The following SPRED1 variants were observed in gnomAD, a reference collection of about 807,000 sequenced individuals.
SPRED1 encodes the protein sprouty related EVH1 domain containing 1, also known as sprouty-related, EVH1 domain-containing protein 1.
A neutral mutation model predicts 52.3 loss-of-function variants in SPRED1; 18 were observed. The observed-to-expected ratio is 0.34, with a 90% CI of 0.24 to 0.51. The LOEUF (loss-of-function observed/expected upper bound fraction) is 0.51, where lower values mean the gene tolerates loss of function less well. Ranked by LOEUF, SPRED1 falls within the 20% of genes least tolerant of loss-of-function variation. The probability of loss-of-function intolerance (pLI) is 0.97; values close to 1 mark genes in which losing one functional copy is unlikely to be tolerated. For synonymous variants in SPRED1, 155 were observed against 179.7 expected (o/e 0.86, Z 1.10); for missense variants, 485 against 551.0 (o/e 0.88, Z 1.20).
chr15:38,305,494 G>A (rs6495959), intron 2 of SPRED1, among the ~76,000 whole-genome samples: 138,883 of 151,810 alleles, frequency 0.91, 64,807 homozygotes, highest in East Asian at 1. Flanking sequence ...TCTTGAGGTA[G>A]TATACATTCT....
rs569402976 is a variant in SPRED1, at chr15:38,305,753, A to T, written c.207+6206A>T. ...TGTATGTTCAGATTTTCAAATCTTC[A>T]GTATTCTTAAAGTAGAATAAATTTA... is the stretch of plus-strand genomic sequence containing the variant. On this transcript the variant is annotated intron_variant, in intron 2 of 6. Coordinates refer to ENST00000299084, the MANE Select transcript of SPRED1 (RefSeq NM_152594.3). Among the ~76,000 whole-genome samples the T allele has an allele frequency of 4.1e-4, 62 of 152,314 alleles. No individual in the cohort carries two copies. The South Asian group carries it at 4.1e-3, about 10-fold the overall frequency.
At chr15:38,315,813 A>C (rs1318857073) in intron 2 of SPRED1, among the ~76,000 whole-genome samples, 1 of 151,954 alleles carries the variant, frequency 6.6e-6, no homozygotes, top group Non-Finnish European at 1.5e-5. Flanking sequence ...CAAGTAACCT[A>C]TTGTGGGGTA....
At chr15:38,327,628 A>G (rs1037598347) in intron 4 of SPRED1, among the ~76,000 whole-genome samples, 3 of 152,204 alleles carry the variant, frequency 2.0e-5, no homozygotes, top group Non-Finnish European at 4.4e-5. Flanking sequence ...CAACAACCAC[A>G]TGAAGTGAAC....
intron 6 of SPRED1, 116 bp from the exon 7 acceptor site, chr15:38,350,895 TATC>T (rs1218435777): frequency 2.8e-6 from 3 of 1,067,502 alleles, no homozygotes; most frequent in East Asian, 2.6e-5. Context: ...CCCAAAAACA[TATC>T]ATAGAAATGT....
rs533143682 is a variant in SPRED1, at chr15:38,330,469, T to C, written c.423+5660T>C. Among the ~76,000 whole-genome samples, 31 of 152,270 alleles carry C rather than the reference T, an allele frequency of 2.0e-4. No individual in the cohort carries two copies. In the South Asian group the frequency reaches 3.9e-3, roughly 19 times the overall value. ...AGAATAGGAGACAGTTGTGGCCAAA[T>C]TTAAAATGAATTGCAACTGGAAACA... is the stretch of plus-strand genomic sequence containing the variant. On this transcript the variant is annotated intron_variant, in intron 4 of 6. Coordinates refer to ENST00000299084, the MANE Select transcript of SPRED1 (RefSeq NM_152594.3).
At chr15:38,321,333 C>T (rs911992112) in intron 2 of SPRED1, among the ~76,000 whole-genome samples, 1 of 151,780 alleles carries the variant, frequency 6.6e-6, no homozygotes, top group Non-Finnish European at 1.5e-5. Context: ...ATTTAAAAAC[C>T]AAGGGTATAT....
intron 2 of SPRED1, among the ~76,000 whole-genome samples, chr15:38,312,287 A>C (rs2140987713): frequency 6.6e-6 from 1 of 152,260 alleles, no homozygotes; most frequent in African/African-American, 2.4e-5. Context: ...CCATCTCCAA[A>C]TTATAGAAAT....
intron 4 of SPRED1, among the ~76,000 whole-genome samples, chr15:38,333,648 C>T (rs929736039): frequency 3.9e-5 from 6 of 151,916 alleles, no homozygotes; most frequent in Non-Finnish European, 7.4e-5. Flanking sequence ...ATATGGAGCA[C>T]CGATTGTGAA....
chr15:38,277,908 C>A (rs541143913), intron 1 of SPRED1, among the ~76,000 whole-genome samples: 11 of 150,166 alleles, frequency 7.3e-5, no homozygotes, highest in African/African-American at 2.7e-4. Flanking sequence ...TCATGTATGT[C>A]TTTTTTTTTT....
intron 1 of SPRED1, among the ~76,000 whole-genome samples, chr15:38,295,722 T>A (rs929786837): frequency 1.3e-5 from 2 of 152,178 alleles, no homozygotes; most frequent in African/African-American, 4.8e-5. Context: ...TTTATGAACA[T>A]CATGCACAAT....
intron 2 of SPRED1, among the ~76,000 whole-genome samples, chr15:38,302,174 T>C (rs1203977608): frequency 1.3e-5 from 2 of 152,160 alleles, no homozygotes; most frequent in Non-Finnish European, 2.9e-5. Flanking sequence ...AAGAGGAGTA[T>C]ATGACCACTC....
At chr15:38,272,745 A>G (rs150921008) in intron 1 of SPRED1, among the ~76,000 whole-genome samples, 58 of 152,244 alleles carry the variant, frequency 3.8e-4, no homozygotes, top group African/African-American at 1.4e-3. Flanking sequence ...GTGAGATGGC[A>G]TATCTCATTG....
At chr15:38,313,616 ATAT>A (rs1451683195) in intron 2 of SPRED1, among the ~76,000 whole-genome samples, 1 of 151,032 alleles carries the variant, frequency 6.6e-6, no homozygotes, top group East Asian at 1.9e-4. Flanking sequence ...CCGTTACATT[ATAT>A]TATATTATCT....
chr15:38,308,446 A>G (rs1895295324), intron 2 of SPRED1, among the ~76,000 whole-genome samples: 1 of 152,194 alleles, frequency 6.6e-6, no homozygotes, highest in South Asian at 2.1e-4. Context: ...AAGATGCAAA[A>G]CAGTTTAACA....
chr15:38,350,898 C>A (rs1888468419), intron 6 of SPRED1, 116 bp from the exon 7 acceptor site: 1 of 1,087,474 alleles, frequency 9.2e-7, no homozygotes, highest in Non-Finnish European at 1.4e-6. Context: ...AAAAACATAT[C>A]ATAGAAATGT....
At chr15:38,341,992 A>C (rs970401310) in intron 5 of SPRED1, among the ~76,000 whole-genome samples, 9 of 145,566 alleles carry the variant, frequency 6.2e-5, no homozygotes, top group Non-Finnish European at 9.0e-5. Flanking sequence ...CCAACATTTC[A>C]GACCTCTCTT....
chr15:38,348,522 C>CT (rs1334139630), intron 5 of SPRED1, among the ~76,000 whole-genome samples: 1 of 151,768 alleles, frequency 6.6e-6, no homozygotes, highest in African/African-American at 2.4e-5. Context: ...TCTGAAAGGT[C>CT]TAAGATGGAA....
chr15:38,310,329 G>C (rs1156719782), intron 2 of SPRED1, among the ~76,000 whole-genome samples: 1 of 151,836 alleles, frequency 6.6e-6, no homozygotes, highest in East Asian at 1.9e-4. Flanking sequence ...TAGTAGAGAC[G>C]GGGGTTTCAC....
At chr15:38,347,461 C>CTTTTTTTTTTTTTTT (rs3075337) in intron 5 of SPRED1, among the ~76,000 whole-genome samples, 1 of 93,224 alleles carries the variant, frequency 1.1e-5, no homozygotes, top group African/African-American at 4.1e-5. Flanking sequence ...CCGCTTGGAT[C>CTTTTTTTTTTTTTTT]TTTTTTTTTT....
Sources: allele counts gnomAD v4.1 joint callset (sites outside exome capture counted in the v4.1 genomes callset), GRCh38; gene constraint gnomAD v4.1.1; transcripts MANE v1.5; gene names NCBI Gene and HGNC (gene_info 2026-07-23, HGNC 2026-07-21).